Variants in CLEC12A observed in about 807,000 individuals in gnomAD.
CLEC12A encodes C-type lectin domain family 12 member A.
CLEC12A carries 22 observed loss-of-function variants against 26.5 expected under a neutral mutation model. The observed-to-expected ratio is 0.83, with a 90% CI of 0.59 to 1.19. CLEC12A has a LOEUF of 1.19. Among genes scored for constraint, CLEC12A ranks in the 50% most tolerant of loss-of-function variants. CLEC12A has a pLI of 0.00. For synonymous variants in CLEC12A, 119 were observed against 101.9 expected (o/e 1.17, Z -1.01); for missense variants, 353 against 315.6 (o/e 1.12, Z -0.90).
chr12:10,000,952 C>T, the CLEC12A span, among the ~76,000 whole-genome samples: 1 of 152,180 alleles, frequency 6.6e-6, no homozygotes, highest in South Asian at 2.1e-4. Flanking sequence ...GACAAAGTAA[C>T]AGAGAGAAAA....
At chr12:9,998,066 A>G (rs1184123594), downstream of CLEC12A, among the ~76,000 whole-genome samples, 1 of 152,214 alleles carries the variant, frequency 6.6e-6, no homozygotes, top group Non-Finnish European at 1.5e-5. Context: ...ATTCTTAAAA[A>G]TAACTTTTCA....
At chr12:9,964,575 G>T (rs771188523) in intron 1 of CLEC12A, among the ~76,000 whole-genome samples, 2 of 152,304 alleles carry the variant, frequency 1.3e-5, no homozygotes, top group African/African-American at 4.8e-5. Context: ...CTCTGAGAGG[G>T]AGTTAAGAGT....
At chr12:10,000,080 G>A (rs935538), downstream of CLEC12A, among the ~76,000 whole-genome samples, 66,397 of 152,044 alleles carry the variant, frequency 0.44, 14,787 homozygotes, top group Non-Finnish European at 0.45. Flanking sequence ...TTTGCCATAG[G>A]GTAACTCTTA....
chr12:9,974,896 G>A (rs1864273027), intron 1 of CLEC12A, among the ~76,000 whole-genome samples: 1 of 152,128 alleles, frequency 6.6e-6, no homozygotes, highest in East Asian at 1.9e-4. Flanking sequence ...GCTGTAGGAG[G>A]GACATGGTGG....
intron 1 of CLEC12A, chr12:9,952,743 C>T (rs1469874788): frequency 3.3e-5 from 4 of 121,336 alleles, no homozygotes; most frequent in Admixed American, 8.4e-5. Context: ...CGCCTCTTCC[C>T]AGCCGCCATC....
chr12:9,971,173 T>C (rs367928285), upstream of CLEC12A, among the ~76,000 whole-genome samples: 7 of 152,288 alleles, frequency 4.6e-5, no homozygotes, highest in East Asian at 1.2e-3. Flanking sequence ...TTTTCTGTTA[T>C]TTTTCTGCTT....
At chr12:9,979,951 G>T (rs2137183460) in intron 3 of CLEC12A, among the ~76,000 whole-genome samples, 1 of 152,142 alleles carries the variant, frequency 6.6e-6, no homozygotes, top group Admixed American at 6.5e-5. Flanking sequence ...TCGGGGAGTT[G>T]GTCTTTTAGT....
chr12:9,963,738 C>A (rs1407852539), intron 1 of CLEC12A, among the ~76,000 whole-genome samples: 1 of 152,062 alleles, frequency 6.6e-6, no homozygotes, highest in Non-Finnish European at 1.5e-5. Flanking sequence ...GAAGAAGAGA[C>A]CTTGTGCGAG....
At chr12:9,983,918 A>C (rs1248654417) in intron 5 of CLEC12A, 1 of 204,612 alleles carries the variant, frequency 4.9e-6, no homozygotes, top group African/African-American at 2.4e-5. Flanking sequence ...GAAAGACTAG[A>C]GACAAAGGTA....
At chr12:9,971,815 C>A in intron 1 of CLEC12A, 128 bp downstream of exon 1, 1 of 715,290 alleles carries the variant, frequency 1.4e-6, no homozygotes, top group Non-Finnish European at 2.1e-6. Context: ...TATGTTTAAG[C>A]AAAGGAACAA....
intron 1 of CLEC12A, among the ~76,000 whole-genome samples, chr12:9,959,634 G>A (rs930970948): frequency 2.0e-5 from 3 of 152,020 alleles, no homozygotes; most frequent in Non-Finnish European, 4.4e-5. Flanking sequence ...TCCCACTGAC[G>A]AACAGGATGG....
chr12:9,996,809 C>A, downstream of CLEC12A: 2 of 1,611,960 alleles, frequency 1.2e-6, no homozygotes, highest in Non-Finnish European at 1.7e-6. Flanking sequence ...GTTTCTCTTC[C>A]TTGCCTCCAA....
At chr12:9,994,353 T>C (rs1379770778) in intron 4 of CLEC12A, among the ~76,000 whole-genome samples, 1 of 152,166 alleles carries the variant, frequency 6.6e-6, no homozygotes, top group Non-Finnish European at 1.5e-5. Context: ...AGAGGCTTGC[T>C]TGTAGTTGTA....
chr12:9,997,078 A>G, downstream of CLEC12A: 1 of 1,609,282 alleles, frequency 6.2e-7, no homozygotes, highest in Non-Finnish European at 8.5e-7. Flanking sequence ...TGTTTTCTGC[A>G]GATCTCAAAC....
the CLEC12A span, among the ~76,000 whole-genome samples, chr12:10,002,445 T>TGTGACCAGAAATATGCTGTAAG: frequency 3.4e-4 from 13 of 38,078 alleles, no homozygotes; most frequent in Admixed American, 4.9e-4. Context: ...GTAATGTTTT[T>TGTGACCAGAAATATGCTGTAAG]TTTTTTTTTT....
intron 1 of CLEC12A, among the ~76,000 whole-genome samples, chr12:9,957,438 A>C (rs1863760164): frequency 6.7e-6 from 1 of 149,506 alleles, no homozygotes; most frequent in Non-Finnish European, 1.5e-5. Context: ...CAGTGAGCCA[A>C]AATCGTGCCA....
upstream of CLEC12A, among the ~76,000 whole-genome samples, chr12:9,967,795 G>A (rs571977762): frequency 1.3e-5 from 2 of 152,070 alleles, no homozygotes; most frequent in East Asian, 1.9e-4. Flanking sequence ...GGGGTTGGGG[G>A]TTCTTGCTCC....
chr12:10,004,732 T>G, the CLEC12A span, among the ~76,000 whole-genome samples: 3 of 152,026 alleles, frequency 2.0e-5, no homozygotes, highest in African/African-American at 7.2e-5. Flanking sequence ...AGCTTAAGGG[T>G]GGGGCACGTG....
Position 9,977,408 on chromosome 12 carries a change from C to T in CLEC12A, c.92-1558C>T, listed in dbSNP as rs191085171. Among the ~76,000 whole-genome samples, 199 of 152,278 alleles carry T rather than the reference C, an allele frequency of 1.3e-3. 1 individual carries two copies. Among genetic ancestry groups the T allele is most frequent in the Admixed American group, 2.5e-3 (39 of 15,298 alleles). On this transcript the variant is annotated intron_variant, in intron 1 of 5. Coordinates refer to ENST00000304361, the MANE Select transcript of CLEC12A (RefSeq NM_138337.6). Reference sequence around the variant, plus strand: ...TAGAAAAGGCTGTAAATAATGTCTCCTCCTTGTTATTTTAAAAACAAAACA... The same window carrying T: ...TAGAAAAGGCTGTAAATAATGTCTCTTCCTTGTTATTTTAAAAACAAAACA...
Sources: gnomAD v4.1 joint callset for allele counts (sites outside exome capture counted in the v4.1 genomes callset) on GRCh38, gnomAD v4.1.1 for gene constraint, MANE v1.5 for transcripts, NCBI Gene and HGNC (gene_info 2026-07-23, HGNC 2026-07-21) for gene names.